The following BMAL2 variants were observed in gnomAD, a reference collection of about 807,000 sequenced individuals.
The protein encoded by BMAL2 is basic helix-loop-helix ARNT-like protein 2.
the BMAL2 span, among the ~76,000 whole-genome samples, chr12:27,395,617 T>G: frequency 6.6e-6 from 1 of 152,202 alleles, no homozygotes; most frequent in African/African-American, 2.4e-5. Flanking sequence ...TTTTAGTCCT[T>G]CCATGGGGTT....
chr12:27,378,506 T>C, the BMAL2 span, among the ~76,000 whole-genome samples: 1 of 152,210 alleles, frequency 6.6e-6, no homozygotes, highest in African/African-American at 2.4e-5. Context: ...TGAGACGGTA[T>C]GGCATGTGTG....
At chr12:27,397,237 A>AT in the BMAL2 span, among the ~76,000 whole-genome samples, 7 of 152,028 alleles carry the variant, frequency 4.6e-5, no homozygotes, top group Non-Finnish European at 8.8e-5. Flanking sequence ...AACCTGGCTA[A>AT]TTTTTTGTAT....
At chr12:27,340,498 T>A in the BMAL2 span, among the ~76,000 whole-genome samples, 25 of 152,212 alleles carry the variant, frequency 1.6e-4, no homozygotes, top group African/African-American at 6.0e-4. Context: ...TGCTTTTTGG[T>A]TACTGTTGCT....
chr12:27,370,451 G>A, the BMAL2 span, among the ~76,000 whole-genome samples: 1 of 152,096 alleles, frequency 6.6e-6, no homozygotes, highest in Non-Finnish European at 1.5e-5. Context: ...CTTTCCCCAG[G>A]ACTCAGTGCA....
the BMAL2 span, among the ~76,000 whole-genome samples, chr12:27,356,497 A>G: frequency 6.6e-5 from 10 of 152,120 alleles, no homozygotes; most frequent in Non-Finnish European, 1.2e-4. Context: ...TGATCTTGCT[A>G]TCCCCCAATA....
the BMAL2 span, among the ~76,000 whole-genome samples, chr12:27,367,229 A>G: frequency 6.6e-6 from 1 of 150,896 alleles, no homozygotes; most frequent in East Asian, 2.0e-4. Context: ...TGGATCTAAT[A>G]ACCGAACCAG....
the BMAL2 span, among the ~76,000 whole-genome samples, chr12:27,347,934 G>T: frequency 6.6e-6 from 1 of 152,146 alleles, no homozygotes; most frequent in Admixed American, 6.6e-5. Context: ...AGCAATCCTG[G>T]GAGATTCCCT....
the BMAL2 span, among the ~76,000 whole-genome samples, chr12:27,413,546 C>CA: frequency 4.0e-5 from 6 of 151,872 alleles, no homozygotes; most frequent in Non-Finnish European, 7.4e-5. Context: ...CATACCACTA[C>CA]AAAAAAATCA....
At chr12:27,373,647 G>C in the BMAL2 span, among the ~76,000 whole-genome samples, 1 of 152,154 alleles carries the variant, frequency 6.6e-6, no homozygotes, top group South Asian at 2.1e-4. Flanking sequence ...GCGGCACACA[G>C]AAATCAAAGG....
chr12:27,368,981 A>T, the BMAL2 span, among the ~76,000 whole-genome samples: 2 of 152,220 alleles, frequency 1.3e-5, no homozygotes, highest in Non-Finnish European at 2.9e-5. Flanking sequence ...ATATGGTGAA[A>T]ACATCAGGGC....
the BMAL2 span, among the ~76,000 whole-genome samples, chr12:27,399,132 GA>G: frequency 6.6e-6 from 1 of 152,184 alleles, no homozygotes; most frequent in African/African-American, 2.4e-5. Context: ...TGGTGTTTGT[GA>G]AATGTTGGAT....
the BMAL2 span, among the ~76,000 whole-genome samples, chr12:27,371,729 CACATAT>C: frequency 6.7e-6 from 1 of 150,038 alleles, no homozygotes; most frequent in African/African-American, 2.4e-5. Flanking sequence ...CACACACACA[CACATAT>C]ATATATAAAT....
the BMAL2 span, among the ~76,000 whole-genome samples, chr12:27,350,881 T>C: frequency 6.6e-6 from 1 of 152,160 alleles, no homozygotes; most frequent in South Asian, 2.1e-4. Flanking sequence ...GAGTTCACTG[T>C]GTTGGCCAGG....
chr12:27,401,831 G>A, the BMAL2 span, among the ~76,000 whole-genome samples: 1 of 152,000 alleles, frequency 6.6e-6, no homozygotes, highest in Non-Finnish European at 1.5e-5. Flanking sequence ...ACTGTTCATT[G>A]ACATTAGTTC....
chr12:27,356,103 T>C, the BMAL2 span, among the ~76,000 whole-genome samples: 3 of 152,222 alleles, frequency 2.0e-5, no homozygotes, highest in African/African-American at 7.2e-5. Context: ...CTGAGCCATA[T>C]TTCCCCAACC....
the BMAL2 span, among the ~76,000 whole-genome samples, chr12:27,363,357 ATATAT>A: frequency 6.6e-6 from 1 of 152,206 alleles, no homozygotes; most frequent in Admixed American, 6.6e-5. Context: ...ATGCCAAGTC[ATATAT>A]TATATATGTG....
At chr12:27,388,422 C>A in the BMAL2 span, among the ~76,000 whole-genome samples, 1 of 152,074 alleles carries the variant, frequency 6.6e-6, no homozygotes, top group Non-Finnish European at 1.5e-5. Context: ...GTCCTGTTGT[C>A]TATAGGAATG....
At chr12:27,376,330 T>TA in the BMAL2 span, 2 of 1,611,142 alleles carry the variant, frequency 1.2e-6, no homozygotes, top group Non-Finnish European at 8.5e-7. Flanking sequence ...TGATATTTTA[T>TA]CCTGCTTTTT....
At chr12:27,389,031 A>G in the BMAL2 span, 3 of 679,470 alleles carry the variant, frequency 4.4e-6, no homozygotes, top group Non-Finnish European at 7.8e-6. Flanking sequence ...TGCTTTGAAC[A>G]TTAAGTTCAT....
Sources: gnomAD v4.1 joint callset for allele counts (sites outside exome capture counted in the v4.1 genomes callset) on GRCh38, gnomAD v4.1.1 for gene constraint, MANE v1.5 for transcripts, NCBI Gene and HGNC (gene_info 2026-07-23, HGNC 2026-07-21) for gene names.